The following AGL variants were observed in gnomAD, a reference collection of about 807,000 sequenced individuals.
The protein encoded by AGL is amylo-alpha-1,6-glucosidase and 4-alpha-glucanotransferase.
Under a neutral mutation model 199.3 loss-of-function variants are expected in AGL, and 128 were observed. The ratio of observed to expected loss-of-function variants is 0.64; its 90% CI spans 0.56 to 0.74. The LOEUF (loss-of-function observed/expected upper bound fraction) is 0.74, where lower values mean the gene tolerates loss of function less well. Among genes scored for constraint, AGL ranks in the 30% least tolerant of loss-of-function variants. The pLI, the probability that AGL is intolerant of heterozygous loss-of-function variation, is 0.00. For synonymous variants in AGL, 584 were observed against 594.7 expected (o/e 0.98, Z 0.26); for missense variants, 1,809 against 1,820.8 (o/e 0.99, Z 0.12).
At position 99,884,629 on chromosome 1, in the gene AGL, A is replaced by G. The variant is rs747817359; in HGVS notation, c.2607A>G (p.Gln869=). ...GAATTCTTCGAAATCATCTGACACA[A>G]TTCAGTCCTCACTTTAAATCTGGCA... ...AVGILRNHLT[Q]FSPHFKSGSL... is the part of the protein sequence containing the mutation. The change falls in exon 20 of 34, where the codon CAA becomes CAG. Residue 869 remains glutamine, a synonymous_variant. Coordinates refer to ENST00000361915, the MANE Select transcript of AGL (RefSeq NM_000642.3). The G allele has an allele frequency of 1.7e-4, 279 of 1,613,842 alleles. No individual in the cohort carries two copies. Among genetic ancestry groups the G allele is most frequent in the Non-Finnish European group, 2.2e-4 (265 of 1,179,878 alleles).
At chr1:99,869,427 G>A (rs1170467271) in intron 5 of AGL, among the ~76,000 whole-genome samples, 2 of 152,202 alleles carry the variant, frequency 1.3e-5, no homozygotes, top group Non-Finnish European at 2.9e-5. Flanking sequence ...AGGGTGCTCA[G>A]CTGAGTAAAT....
rs78882653 is a variant in AGL, at chr1:99,909,555, A to G, written c.3701-1157A>G. Among the ~76,000 whole-genome samples, 710 of 152,028 alleles carry G rather than the reference A, an allele frequency of 4.7e-3. 28 individuals are homozygous for G. In the East Asian group the frequency reaches 0.1, roughly 22 times the overall value. On this transcript the variant is annotated intron_variant, in intron 27 of 33. Coordinates refer to ENST00000361915, the MANE Select transcript of AGL (RefSeq NM_000642.3). The stretch of plus-strand genomic sequence containing the variant: ...TTTCCTTTTCCTTTGGCTAGAGTCA[A>G]TTGGTTTTTCTTGGAACTCTTTGTC...
intron 2 of AGL, among the ~76,000 whole-genome samples, chr1:99,854,175 C>T (rs1649213784): frequency 6.6e-6 from 1 of 151,926 alleles, no homozygotes; most frequent in Non-Finnish European, 1.5e-5. Context: ...GCCTGGGCAA[C>T]AAGAGCAAAA....
At chr1:99,862,564 A>T in intron 4 of AGL, 141 bp downstream of exon 4, 4 of 980,078 alleles carry the variant, frequency 4.1e-6, no homozygotes, top group Non-Finnish European at 6.1e-6. Context: ...ATTTATAAAG[A>T]AAAGAGGTTT....
rs553053029 is a variant in AGL, at chr1:99,851,013, T to C, written c.-30T>C. 2 of 1,565,420 alleles carry C rather than the reference T, an allele frequency of 1.3e-6. No individual in the cohort carries two copies. The highest frequency in any genetic ancestry group is 8.8e-7 in the Non-Finnish European group (1 of 1,135,798). On this transcript the variant is annotated 5_prime_UTR_variant, in exon 2 of 34. It removes an upstream start codon present in the reference 5' UTR. Transcript: ENST00000361915. ...GACTGTGGAGTTCTTTTAATTCTTA[T>C]GAAAGATTTCAAATCCTCTAGAAGC...
intron 5 of AGL, among the ~76,000 whole-genome samples, chr1:99,866,399 T>G (rs1309908354): frequency 6.6e-6 from 1 of 152,194 alleles, no homozygotes; most frequent in Non-Finnish European, 1.5e-5. Flanking sequence ...CTCCAACACT[T>G]TGCTTCAAAT....
intron 2 of AGL, among the ~76,000 whole-genome samples, chr1:99,854,925 G>C (rs1013908318): frequency 1.6e-4 from 25 of 152,066 alleles, no homozygotes; most frequent in African/African-American, 5.8e-4. Flanking sequence ...ACAAGGCCAG[G>C]CGCGGTGGCT....
Position 99,888,066 on chromosome 1 carries a change from G to GT in AGL, c.2770_2771insT (p.Asp924ValfsTer9). 4 of 1,613,486 alleles carry GT rather than the reference G, an allele frequency of 2.5e-6. No individual in the cohort carries two copies. The highest frequency in any genetic ancestry group is 3.4e-6 in the Non-Finnish European group (4 of 1,179,670). ...AAAGGAAGATGGTGGAGGGTGCTAT[G>GT]ACATACCAAACTGGTCAGCCCTTAA... On this transcript the variant is annotated frameshift_variant, in exon 21 of 34. Coordinates refer to ENST00000361915, the MANE Select transcript of AGL (RefSeq NM_000642.3). LOFTEE classifies it high-confidence loss of function.
intron 5 of AGL, among the ~76,000 whole-genome samples, chr1:99,869,758 A>G (rs1266020332): frequency 6.6e-6 from 1 of 152,254 alleles, no homozygotes; most frequent in Non-Finnish European, 1.5e-5. Context: ...GATAATTATT[A>G]GTCCATTTTA....
rs1267203580 is a variant in AGL, at chr1:99,877,787, C to T, written c.1570C>T (p.Arg524Cys). 3.7e-6 allele frequency: 6 copies of T among 1,613,902 alleles called. No individual in the cohort carries two copies. Among genetic ancestry groups the T allele is most frequent in the African/African-American group, 2.7e-5 (2 of 74,908 alleles). ...AACTGCAACTTATTTCCAGGGAGTA[C>T]GTCTTGATAACTGCCACTCAACACC... ...EITATYFQGV[R>C]LDNCHSTPLH... The change falls in exon 12 of 34, where the codon CGT (arginine) becomes TGT (cysteine). Residue 524 changes from arginine (R) to cysteine (C), a missense_variant. Physicochemically the swap from Arg to Cys is radical, Grantham distance 180 (BLOSUM62 -3). Coordinates refer to ENST00000361915, the MANE Select transcript of AGL (RefSeq NM_000642.3).
intron 20 of AGL, among the ~76,000 whole-genome samples, chr1:99,885,020 T>C (rs1652347383): frequency 6.6e-6 from 1 of 152,214 alleles, no homozygotes; most frequent in Non-Finnish European, 1.5e-5. Flanking sequence ...CCTCATACCC[T>C]TTACCACATC....
At chr1:99,861,772 A>T (rs1650058912) in intron 3 of AGL, 59 bp downstream of exon 3, 7 of 1,572,354 alleles carry the variant, frequency 4.5e-6, no homozygotes, top group Non-Finnish European at 6.1e-6. Context: ...ATTTGAAGTC[A>T]CCTAACTTGT....
rs143209332 is a variant in AGL, at chr1:99,912,584, C to T, written c.3949+67C>T. The T allele has an allele frequency of 3.2e-4, 372 of 1,152,500 alleles. 5 individuals carry two copies. In the East Asian group the frequency reaches 7.2e-3, roughly 22 times the overall value. 71.4% of individuals were successfully genotyped at this position (1,152,500 alleles called of 1,614,324 possible). The stretch of plus-strand genomic sequence containing the variant: ...TATGTATATTCTCAACCTATGTAAT[C>T]ATCATTTGATTCTATCAGCTAATAT... On this transcript the variant is annotated intron_variant, in intron 29 of 33. Coordinates refer to ENST00000361915, the MANE Select transcript of AGL (RefSeq NM_000642.3).
At chr1:99,912,269 A>G in intron 28 of AGL, 136 bp from the exon 29 acceptor site, 1 of 698,682 alleles carries the variant, frequency 1.4e-6, no homozygotes, top group Non-Finnish European at 2.4e-6. Context: ...TATAGTACAC[A>G]TTCCTATAGA....
At chr1:99,918,907 C>A (rs1655319472) in intron 33 of AGL, among the ~76,000 whole-genome samples, 2 of 151,770 alleles carry the variant, frequency 1.3e-5, no homozygotes, top group African/African-American at 4.9e-5. Context: ...CTGGTGGGAA[C>A]AAGCAAGTGT....
rs1269013844 is a variant in AGL at position 99,916,185 on chromosome 1, A to G, written c.4260-225A>G. On this transcript the variant is annotated intron_variant, in intron 31 of 33. Transcript: ENST00000361915. ...GATACCAGAATATTTTACATTTTTT[A>G]TATTAACCAGTATTTGTTAATCATT... Among the ~76,000 whole-genome samples, 3 of 152,174 alleles carry G rather than the reference A, an allele frequency of 2.0e-5. No homozygotes were observed. In the East Asian group the frequency reaches 5.8e-4, roughly 29 times the overall value.
intron 33 of AGL, 72 bp downstream of exon 33, chr1:99,916,803 G>C: frequency 6.5e-7 from 1 of 1,532,410 alleles, no homozygotes; most frequent in South Asian, 1.1e-5. Flanking sequence ...GTAAATTACA[G>C]TTTCTTAGAA....
chr1:99,852,017 T>C (rs1648989569), intron 2 of AGL, among the ~76,000 whole-genome samples: 1 of 152,220 alleles, frequency 6.6e-6, no homozygotes, highest in African/African-American at 2.4e-5. Flanking sequence ...CTCTGCACTT[T>C]TCTGGTTTTG....
Position 99,881,077 on chromosome 1 carries a change from A to G in AGL, c.1901A>G (p.His634Arg), listed in dbSNP as rs199872681. 15 of 1,613,262 alleles carry G rather than the reference A, an allele frequency of 9.3e-6. No homozygotes were observed. The highest frequency in any genetic ancestry group is 1.3e-5 in the Non-Finnish European group (15 of 1,179,284). Reference protein sequence around the residue: ...ITHDNECPIVHRSAYDALPST... With the variant: ...ITHDNECPIVRRSAYDALPST... ...TGCTTTGTTGTTGTTGTCTTCTAGC[A>G]TAGATCAGCGTATGATGCTCTTCCA... Residue 634 changes from histidine to arginine, a missense_variant and splice_region_variant, in exon 15 of 34, where the codon CAT (histidine) becomes CGT (arginine). Physicochemically the swap from His to Arg is conservative, Grantham distance 29 (BLOSUM62 0). Coordinates refer to ENST00000361915, the MANE Select transcript of AGL (RefSeq NM_000642.3).
Sources: allele counts gnomAD v4.1 joint callset (sites outside exome capture counted in the v4.1 genomes callset), GRCh38; gene constraint gnomAD v4.1.1; transcripts MANE v1.5; gene names NCBI Gene and HGNC (gene_info 2026-07-23, HGNC 2026-07-21).